Variants in CDH22 observed in about 807,000 individuals in gnomAD.
The protein encoded by CDH22 is cadherin 22.
In CDH22, 30 loss-of-function variants were observed where a neutral mutation model predicts 58.4. The observed-to-expected ratio is 0.51, with a 90% CI of 0.38 to 0.70. The LOEUF is 0.70. Ranked by LOEUF, CDH22 falls within the 30% of genes least tolerant of loss-of-function variation. The pLI, the probability that CDH22 is intolerant of heterozygous loss-of-function variation, is 0.00. For synonymous variants in CDH22, 513 were observed against 558.2 expected, an observed-to-expected ratio of 0.92 and a Z score of 1.14; for missense variants, 1,014 against 1,233.9, an observed-to-expected ratio of 0.82 and a Z score of 2.67.
At chr20:46,223,854 T>TTCC in intron 4 of CDH22, among the ~76,000 whole-genome samples, 1 of 129,004 alleles carries the variant, frequency 7.8e-6, no homozygotes, top group African/African-American at 3.1e-5. Flanking sequence ...TCCTTCCTTC[T>TTCC]TTCTTTCTTT....
intron 8 of CDH22, among the ~76,000 whole-genome samples, chr20:46,190,667 T>A (rs538335948): frequency 6.6e-6 from 1 of 152,388 alleles, no homozygotes; most frequent in Non-Finnish European, 1.5e-5. Context: ...TTAAACTAAT[T>A]GATGCAGCCT....
chr20:46,186,968 C>T, intron 8 of CDH22, 21 bp from the exon 9 acceptor site: 1 of 1,551,870 alleles, frequency 6.4e-7, no homozygotes, highest in Non-Finnish European at 8.7e-7. Context: ...AGCACAGGAG[C>T]AAGGGGAGAG....
chr20:46,281,334 G>T (rs2086549841), intron 1 of CDH22, among the ~76,000 whole-genome samples: 1 of 152,220 alleles, frequency 6.6e-6, no homozygotes, highest in Non-Finnish European at 1.5e-5. Context: ...ATGCCTGGGG[G>T]ACTGGAGGAG....
At chr20:46,185,332 A>G (rs1849947067) in intron 10 of CDH22, among the ~76,000 whole-genome samples, 1 of 152,136 alleles carries the variant, frequency 6.6e-6, no homozygotes, top group Non-Finnish European at 1.5e-5. Context: ...TGTGAGAGCC[A>G]GAGGGGAGGA....
chr20:46,181,748 C>CT lies in CDH22; in HGVS notation c.1664-3552dup, dbSNP rs1555800212. 1.1e-3 allele frequency among the ~76,000 whole-genome samples: 29 copies of CT among 26,310 alleles called. No homozygotes were observed. The Middle Eastern group carries it at 0.074, about 67-fold the overall frequency. The allele number at this position is 26,310 out of a possible 152,430, so 17.3% of individuals were successfully genotyped here. A position where few individuals can be genotyped will look rare whatever the true frequency, so the allele number is the denominator to read the frequency against. On this transcript the variant is annotated intron_variant, in intron 10 of 11. Coordinates refer to ENST00000537909, the MANE Select transcript of CDH22 (RefSeq NM_021248.3). ...CCTTCCTTCCTTCCTTCCTTCCTTC[C>CT]TTCCTTCTTTCTTTCTTTCTTTCTT...
chr20:46,265,926 G>A (rs2425814), intron 1 of CDH22, among the ~76,000 whole-genome samples: 60,481 of 151,058 alleles, frequency 0.4, 12,582 homozygotes, highest in Middle Eastern at 0.6. Flanking sequence ...TCTGGGAGCT[G>A]TGCACACATT....
intron 10 of CDH22, among the ~76,000 whole-genome samples, chr20:46,180,415 T>TTGAACTCTA (rs2085776249): frequency 6.6e-6 from 1 of 152,170 alleles, no homozygotes; most frequent in Non-Finnish European, 1.5e-5. Context: ...ACATTCAGGC[T>TTGAACTCTA]TGAACTCTAG....
intron 8 of CDH22, among the ~76,000 whole-genome samples, chr20:46,189,324 G>C (rs577379303): frequency 6.6e-6 from 1 of 152,206 alleles, no homozygotes. Flanking sequence ...GTGCGTTGCC[G>C]GAGAATTTCA....
intron 7 of CDH22, among the ~76,000 whole-genome samples, chr20:46,203,850 C>T (rs901361141): frequency 6.6e-6 from 1 of 152,082 alleles, no homozygotes; most frequent in African/African-American, 2.4e-5. Context: ...ATTTTGCAGT[C>T]CTACTTCTCA....
chr20:46,254,254 A>G (rs1050755363), intron 1 of CDH22, among the ~76,000 whole-genome samples: 2 of 152,154 alleles, frequency 1.3e-5, no homozygotes, highest in Admixed American at 6.5e-5. Flanking sequence ...GGGACATAGC[A>G]ATAAAAAAAT....
intron 1 of CDH22, among the ~76,000 whole-genome samples, chr20:46,301,630 G>A (rs901727592): frequency 2.0e-5 from 3 of 151,894 alleles, no homozygotes; most frequent in Non-Finnish European, 4.4e-5. Context: ...GGCCAACACG[G>A]TGAAACTCTG....
At chr20:46,202,174 C>T (rs1036772631) in intron 7 of CDH22, among the ~76,000 whole-genome samples, 3 of 151,926 alleles carry the variant, frequency 2.0e-5, no homozygotes, top group Admixed American at 1.3e-4. Context: ...TGAATTCCAG[C>T]GAGCCTTCTG....
intron 1 of CDH22, among the ~76,000 whole-genome samples, chr20:46,292,916 TTGTGTGTGTGTG>T (rs74176860): frequency 2.8e-5 from 4 of 143,814 alleles, no homozygotes; most frequent in East Asian, 4.1e-4. Flanking sequence ...CAGCCACTGG[TTGTGTGTGTGTG>T]TGTGTGTGTG....
chr20:46,282,363 T>C (rs1325545776), intron 1 of CDH22, among the ~76,000 whole-genome samples: 1 of 152,070 alleles, frequency 6.6e-6, no homozygotes, highest in Admixed American at 6.6e-5. Flanking sequence ...TGGGGCCAAG[T>C]GCCCTGAGAG....
chr20:46,288,965 C>T (rs909311160), intron 1 of CDH22, among the ~76,000 whole-genome samples: 1 of 152,218 alleles, frequency 6.6e-6, no homozygotes, highest in African/African-American at 2.4e-5. Context: ...CACTCCTTCT[C>T]TCAAAATTCT....
chr20:46,220,478 G>A (rs2086115786), intron 4 of CDH22: 1 of 152,946 alleles, frequency 6.5e-6, no homozygotes, highest in Non-Finnish European at 1.5e-5. Flanking sequence ...TGGAAAGGTG[G>A]AGAGGGAGTG....
intron 1 of CDH22, among the ~76,000 whole-genome samples, chr20:46,277,886 G>C (rs1157107931): frequency 6.6e-6 from 1 of 151,912 alleles, no homozygotes; most frequent in Non-Finnish European, 1.5e-5. Flanking sequence ...AAGGAGGGAG[G>C]GGGCGGTAGC....
At chr20:46,201,877 T>G (rs1400294722) in intron 7 of CDH22, among the ~76,000 whole-genome samples, 1 of 152,174 alleles carries the variant, frequency 6.6e-6, no homozygotes, top group Non-Finnish European at 1.5e-5. Context: ...CCTAACAGTT[T>G]GGAGCCTGCT....
intron 10 of CDH22, 49 bp downstream of exon 10, chr20:46,186,539 A>C (rs762092496): frequency 2.3e-6 from 3 of 1,310,526 alleles, no homozygotes; most frequent in South Asian, 2.4e-5. Flanking sequence ...GGAACAGGGC[A>C]GGGAGACTGT....
Sources: allele counts gnomAD v4.1 joint callset (sites outside exome capture counted in the v4.1 genomes callset), GRCh38; gene constraint gnomAD v4.1.1; transcripts MANE v1.5; gene names NCBI Gene and HGNC (gene_info 2026-07-23, HGNC 2026-07-21).